ATF2: variants seen among roughly 807,000 people sequenced by gnomAD.
The protein encoded by ATF2 is cyclic AMP-dependent transcription factor ATF-2.
Under a neutral mutation model 60.6 loss-of-function variants are expected in ATF2, and 24 were observed. The ratio of observed to expected loss-of-function variants is 0.40; its 90% CI spans 0.29 to 0.56. The LOEUF (loss-of-function observed/expected upper bound fraction) is 0.56, where lower values mean the gene tolerates loss of function less well. Ranked by LOEUF, ATF2 falls within the 20% of genes least tolerant of loss-of-function variation. The pLI, the probability that ATF2 is intolerant of heterozygous loss-of-function variation, is 0.54. For synonymous variants in ATF2, 206 were observed against 215.4 expected (o/e 0.96, Z 0.38); for missense variants, 433 against 607.7 (o/e 0.71, Z 3.02).
rs879887702 is a variant in ATF2, at chr2:175,157,991, C to CA, written c.-142-6834dup. Among the ~76,000 whole-genome samples, 989 of 114,552 alleles carry CA rather than the reference C, an allele frequency of 8.6e-3. 4 individuals are homozygous for CA. The highest frequency in any genetic ancestry group is 0.016 in the African/African-American group (495 of 30,582). The allele number at this position is 114,552 out of a possible 152,430, so 75.2% of individuals were successfully genotyped here. ...TGGGTGACAGAGTGAGACTCTGTCT[C>CA]AAAAAAAAAAAAACACCAATATCTG... On this transcript the variant is annotated intron_variant, in intron 1 of 13. Transcript: ENST00000264110.
intron 4 of ATF2, among the ~76,000 whole-genome samples, chr2:175,123,717 T>C (rs1697126016): frequency 6.6e-6 from 1 of 152,020 alleles, no homozygotes; most frequent in South Asian, 2.1e-4. Flanking sequence ...TATGTATTTA[T>C]AAACTCTCAT....
At chr2:175,092,645 T>G (rs921014533) in intron 12 of ATF2, 22 of 436,872 alleles carry the variant, frequency 5.0e-5, no homozygotes, top group African/African-American at 4.1e-4. Flanking sequence ...AGAACAAAAT[T>G]TATAATTCAA....
Position 175,093,106 on chromosome 2 carries a change from T to C in ATF2, c.1140A>G (p.Leu380=), listed in dbSNP as rs1313140191. The change falls in exon 12 of 14, where the codon TTA becomes TTG. Residue 380 remains leucine (L), a synonymous_variant. Transcript: ENST00000264110. ...RQKRKVWVQS[L]EKKAEDLSSL... ...AACTCAAGTCTTCAGCTTTCTTCTCTAAAGACTGAACCCAGACTTTCCTTT... is the reference window on the plus strand; with the variant it reads ...AACTCAAGTCTTCAGCTTTCTTCTCCAAAGACTGAACCCAGACTTTCCTTT... The C allele has an allele frequency of 1.2e-6, 2 of 1,614,116 alleles. No homozygotes were observed. Among genetic ancestry groups the C allele is most frequent in the Admixed American group, 3.3e-5 (2 of 60,006 alleles).
intron 4 of ATF2, among the ~76,000 whole-genome samples, chr2:175,124,282 GA>G (rs11292728): frequency 0.78 from 115,166 of 147,092 alleles, 45,761 homozygotes; most frequent in East Asian, 0.87. Flanking sequence ...TGGAAAAAGT[GA>G]AAAAAAAAAA....
chr2:175,135,613 A>C (rs1002870437), intron 3 of ATF2, among the ~76,000 whole-genome samples: 1 of 152,210 alleles, frequency 6.6e-6, no homozygotes, highest in Middle Eastern at 3.2e-3. Context: ...TGGAGATGAA[A>C]AGAAGAGCAA....
intron 4 of ATF2, among the ~76,000 whole-genome samples, chr2:175,122,004 A>C (rs930381162): frequency 3.3e-5 from 5 of 151,876 alleles, no homozygotes; most frequent in Admixed American, 6.6e-5. Flanking sequence ...GCCTGGACAA[A>C]ATTTAGAAAT....
At chr2:175,163,877 C>G (rs188130899) in intron 1 of ATF2, among the ~76,000 whole-genome samples, 1 of 129,542 alleles carries the variant, frequency 7.7e-6, no homozygotes, top group Non-Finnish European at 1.5e-5. Flanking sequence ...GAGCTGAGAG[C>G]GGCACTGCAC....
chr2:175,095,223 G>A (rs1434207739), intron 11 of ATF2, among the ~76,000 whole-genome samples: 7 of 151,756 alleles, frequency 4.6e-5, no homozygotes, highest in Admixed American at 1.3e-4. Flanking sequence ...TCAGCCTCCC[G>A]AGTAGCTCGG....
intron 12 of ATF2, among the ~76,000 whole-genome samples, chr2:175,090,326 A>G (rs1694459898): frequency 6.6e-6 from 1 of 152,184 alleles, no homozygotes; most frequent in Admixed American, 6.5e-5. Flanking sequence ...ACTGTAGCAT[A>G]TACTTCATTC....
Position 175,080,780 on chromosome 2 carries a change from A to G in ATF2, c.1186-15T>C. ...GTGACTTCACTCTGGAGAAGAAACA[A>G]CTTATGTACCTTACCACAGACTAAA... On this transcript the variant is annotated splice_polypyrimidine_tract_variant and intron_variant, in intron 12 of 13. Coordinates refer to ENST00000264110, the MANE Select transcript of ATF2 (RefSeq NM_001880.4). The G allele has an allele frequency of 6.3e-7, 1 of 1,594,924 alleles. No homozygotes were observed. The highest frequency in any genetic ancestry group is 8.6e-7 in the Non-Finnish European group (1 of 1,163,224).
chr2:175,077,366 T>C (rs2105524779), intron 13 of ATF2, among the ~76,000 whole-genome samples: 1 of 152,282 alleles, frequency 6.6e-6, no homozygotes, highest in Middle Eastern at 3.4e-3. Context: ...CTCTGAGGAA[T>C]CGCCACACTG....
Position 175,131,953 on chromosome 2 carries a change from A to G in ATF2, c.33-1746T>C, listed in dbSNP as rs138340121. On this transcript the variant is annotated intron_variant, in intron 3 of 13. Transcript: ENST00000264110. ...TAACACATATTTTTTAAAACAATAT[A>G]TTTTCAAAACAAAAAATTTAGTGAG... Among the ~76,000 whole-genome samples, 1,033 of 152,288 alleles carry G rather than the reference A, an allele frequency of 6.8e-3. 11 individuals are homozygous for G. Among genetic ancestry groups the G allele is most frequent in the African/African-American group, 0.023 (976 of 41,562 alleles).
At chr2:175,121,988 T>C (rs1007342777) in intron 4 of ATF2, among the ~76,000 whole-genome samples, 8 of 151,900 alleles carry the variant, frequency 5.3e-5, no homozygotes, top group African/African-American at 1.7e-4. Context: ...CTTATAAAAG[T>C]ATTACGCCTG....
chr2:175,164,188 T>C (rs1189920950), intron 1 of ATF2, among the ~76,000 whole-genome samples: 4 of 149,270 alleles, frequency 2.7e-5, no homozygotes, highest in Non-Finnish European at 5.9e-5. Context: ...AATACATATT[T>C]ATTTATATTT....
chr2:175,083,733 G>A (rs947359759), intron 12 of ATF2, among the ~76,000 whole-genome samples: 15 of 152,046 alleles, frequency 9.9e-5, no homozygotes, highest in East Asian at 7.7e-4. Flanking sequence ...GAAAATTTTC[G>A]CAACCTACTT....
chr2:175,106,470 G>A (rs961935054), intron 10 of ATF2, among the ~76,000 whole-genome samples: 3 of 151,796 alleles, frequency 2.0e-5, no homozygotes, highest in Admixed American at 6.6e-5. Context: ...AGGCTGCAGT[G>A]AGCCAAGATC....
chr2:175,081,703 A>G (rs1028190553), intron 12 of ATF2, among the ~76,000 whole-genome samples: 1 of 152,238 alleles, frequency 6.6e-6, no homozygotes, highest in Admixed American at 6.5e-5. Context: ...GGTGTACATA[A>G]AAGCTGAGGC....
At chr2:175,092,934 A>C in intron 12 of ATF2, 127 bp downstream of exon 12, 1 of 949,986 alleles carries the variant, frequency 1.1e-6, no homozygotes. Flanking sequence ...ACTATGATTT[A>C]CTATAGATTC....
At chr2:175,107,333 A>G (rs906718931) in intron 10 of ATF2, among the ~76,000 whole-genome samples, 1 of 152,190 alleles carries the variant, frequency 6.6e-6, no homozygotes, top group African/African-American at 2.4e-5. Context: ...GCTGGTAGGA[A>G]TGTAAACCTT....
Sources: allele counts gnomAD v4.1 joint callset (sites outside exome capture counted in the v4.1 genomes callset), GRCh38; gene constraint gnomAD v4.1.1; transcripts MANE v1.5; gene names NCBI Gene and HGNC (gene_info 2026-07-23, HGNC 2026-07-21).